PRKN: variants seen among roughly 807,000 people sequenced by gnomAD.
PRKN encodes the protein E3 ubiquitin-protein ligase parkin.
A neutral mutation model predicts 59.5 loss-of-function variants in PRKN; 56 were observed. The ratio of observed to expected loss-of-function variants is 0.94; its 90% confidence interval spans 0.76 to 1.18. PRKN has a LOEUF of 1.18. Among genes scored for constraint, PRKN ranks in the 50% most tolerant of loss-of-function variants. The pLI, the probability that PRKN is intolerant of heterozygous loss-of-function variation, is 0.00. For synonymous variants in PRKN, 250 were observed against 222.1 expected, an observed-to-expected ratio of 1.13 and a Z score of -1.12; for missense variants, 657 against 596.4, an observed-to-expected ratio of 1.10 and a Z score of -1.06.
intron 7 of PRKN, among the ~76,000 whole-genome samples, chr6:161,601,323 C>A (rs1782096727): frequency 6.6e-6 from 1 of 152,096 alleles, no homozygotes; most frequent in South Asian, 2.1e-4. Context: ...TGGTAGTGCT[C>A]CTAGTTGTGT....
At chr6:162,378,268 T>C (rs1217790755) in intron 2 of PRKN, among the ~76,000 whole-genome samples, 5 of 152,222 alleles carry the variant, frequency 3.3e-5, no homozygotes, top group Non-Finnish European at 7.3e-5. Context: ...ACAATTTATT[T>C]GGGTTTCAAG....
At chr6:162,296,188 T>A (rs893255859) in intron 2 of PRKN, among the ~76,000 whole-genome samples, 1 of 151,628 alleles carries the variant, frequency 6.6e-6, no homozygotes, top group Non-Finnish European at 1.5e-5. Flanking sequence ...AGGCCCACAG[T>A]CGCCTTAAAA....
At chr6:162,261,369 T>G (rs1779878710) in intron 3 of PRKN, among the ~76,000 whole-genome samples, 1 of 152,176 alleles carries the variant, frequency 6.6e-6, no homozygotes, top group Non-Finnish European at 1.5e-5. Flanking sequence ...GGTGGCATAT[T>G]CTGGTCTCAT....
chr6:161,621,917 A>T (rs1260097062), intron 7 of PRKN, among the ~76,000 whole-genome samples: 1 of 152,172 alleles, frequency 6.6e-6, no homozygotes, highest in African/African-American at 2.4e-5. Flanking sequence ...TAGAAAAAAA[A>T]GTCACTTCTT....
chr6:162,086,814 T>TGTAA (rs1238108264), intron 4 of PRKN, among the ~76,000 whole-genome samples: 1 of 152,208 alleles, frequency 6.6e-6, no homozygotes, highest in Non-Finnish European at 1.5e-5. Context: ...CTGGTTAGAA[T>TGTAA]GTAAGTTCCT....
In PRKN at chr6:161,405,715, T is replaced by A. The variant is rs182854708; in HGVS notation, c.1084-18838A>T. On this transcript the variant is annotated intron_variant, in intron 9 of 11. Coordinates refer to ENST00000366898, the MANE Select transcript of PRKN (RefSeq NM_004562.3). The surrounding 1 kb of genome is among the most constrained non-coding windows in gnomAD (Gnocchi z 5.1). The stretch of plus-strand genomic sequence containing the variant: ...GGAGAAAGGGAAGGGAAACTGAGGG[T>A]CCATGAGTGCTCACAGCCAGGCAGG... 2.3e-4 allele frequency among the ~76,000 whole-genome samples: 35 copies of A among 152,082 alleles called. No homozygotes were observed. The highest frequency in any genetic ancestry group is 8.2e-4 in the African/African-American group (34 of 41,494).
chr6:162,570,145 G>T (rs908318344), intron 1 of PRKN, among the ~76,000 whole-genome samples: 1 of 152,176 alleles, frequency 6.6e-6, no homozygotes, highest in South Asian at 2.1e-4. Flanking sequence ...ATAGGCAAAA[G>T]ATTTGAACAG....
chr6:162,164,688 G>T (rs1466819401), intron 4 of PRKN, among the ~76,000 whole-genome samples: 1 of 148,776 alleles, frequency 6.7e-6, no homozygotes, highest in Non-Finnish European at 1.5e-5. Flanking sequence ...ATAGCAGAAA[G>T]GCTAGTGAGT....
chr6:162,553,233 G>A (rs958394260), intron 1 of PRKN, among the ~76,000 whole-genome samples: 21 of 152,154 alleles, frequency 1.4e-4, no homozygotes, highest in African/African-American at 3.9e-4. Flanking sequence ...TCCAGCACAA[G>A]TGGAGGCCTT....
chr6:162,555,985 A>AAAAAAAAAAAAAT (rs1779550959), intron 1 of PRKN, among the ~76,000 whole-genome samples: 1 of 150,748 alleles, frequency 6.6e-6, no homozygotes, highest in Non-Finnish European at 1.5e-5. Context: ...CCATCTCAAA[A>AAAAAAAAAAAAAT]AAAAAAAAAA....
In PRKN at chr6:161,484,347, C is replaced by G. The variant is rs1791554930; in HGVS notation, c.1083+64507G>C. Among the ~76,000 whole-genome samples, 1 of 152,234 alleles carries G rather than the reference C, an allele frequency of 6.6e-6. No individual in the cohort carries two copies. The highest frequency in any genetic ancestry group is 6.5e-5 in the Admixed American group (1 of 15,292). The stretch of plus-strand genomic sequence containing the variant: ...CACTGGAAACCTCTAGATGGGCCAT[C>G]CAGCCTGAAGAAAGCCTTTCTTGTT... On this transcript the variant is annotated intron_variant, in intron 9 of 11. Transcript: ENST00000366898. The surrounding 1 kb of genome is among the most constrained non-coding windows in gnomAD (Gnocchi z 4.9).
chr6:162,593,128 C>A (rs1781373443), intron 1 of PRKN, among the ~76,000 whole-genome samples: 1 of 152,080 alleles, frequency 6.6e-6, no homozygotes, highest in African/African-American at 2.4e-5. Flanking sequence ...ATATACGAAA[C>A]AGAATTAGGG....
At chr6:162,210,384 T>C (rs1404651044) in intron 3 of PRKN, among the ~76,000 whole-genome samples, 3 of 152,178 alleles carry the variant, frequency 2.0e-5, no homozygotes, top group African/African-American at 4.8e-5. Context: ...ATGTTGTTTA[T>C]TTGTATTTGC....
At chr6:161,469,424 C>T (rs779690013) in intron 9 of PRKN, among the ~76,000 whole-genome samples, 2 of 152,126 alleles carry the variant, frequency 1.3e-5, no homozygotes, top group Non-Finnish European at 2.9e-5. Flanking sequence ...TCAGGTATTT[C>T]TTCATAGCAG....
chr6:162,225,793 C>G (rs776385708), intron 3 of PRKN, among the ~76,000 whole-genome samples: 3 of 151,590 alleles, frequency 2.0e-5, no homozygotes, highest in Non-Finnish European at 4.4e-5. Context: ...GGGGAAATCT[C>G]ATATAAAAGG....
chr6:162,383,054 T>A (rs923163148), intron 2 of PRKN, among the ~76,000 whole-genome samples: 1 of 152,178 alleles, frequency 6.6e-6, no homozygotes, highest in Admixed American at 6.5e-5. Context: ...TCACCACATC[T>A]GCGATGACTT....
At chr6:161,873,670 A>G (rs1794439053) in intron 6 of PRKN, among the ~76,000 whole-genome samples, 1 of 151,860 alleles carries the variant, frequency 6.6e-6, no homozygotes, top group Non-Finnish European at 1.5e-5. Context: ...GAGGCGTTTG[A>G]TTGTAGAAGG....
rs1779502288 is a variant in PRKN, at chr6:161,538,397, C to T, written c.1083+10457G>A. ...AGAAATCTCCTTCTTAGTCTCTATC[C>T]ACAACCTCAACTTCTTAATGGACAG... is the stretch of plus-strand genomic sequence containing the variant. On this transcript the variant is annotated intron_variant, in intron 9 of 11. Transcript: ENST00000366898. The surrounding 1 kb of genome is among the most constrained non-coding windows in gnomAD (Gnocchi z 4.2). Among the ~76,000 whole-genome samples, 2 of 152,050 alleles carry T rather than the reference C, an allele frequency of 1.3e-5. No homozygotes were observed. Among genetic ancestry groups the T allele is most frequent in the African/African-American group, 2.4e-5 (1 of 41,388 alleles).
At chr6:162,621,618 T>G (rs2846523) in intron 1 of PRKN, among the ~76,000 whole-genome samples, 137,386 of 152,222 alleles carry the variant, frequency 0.9, 62,193 homozygotes, top group Admixed American at 0.96. Flanking sequence ...ACATAACAAA[T>G]GTTAATTGAC....
Sources: gnomAD v4.1 joint callset for allele counts (sites outside exome capture counted in the v4.1 genomes callset) on GRCh38, gnomAD v4.1.1 for gene constraint, Gnocchi (gnomAD v3.1) non-coding constraint, MANE v1.5 for transcripts, NCBI Gene and HGNC (gene_info 2026-07-23, HGNC 2026-07-21) for gene names.